The following IRAG1 variants were observed in gnomAD, a reference collection of about 807,000 sequenced individuals.
IRAG1 encodes the protein IP3R-associated cGMP kinase substrate.
IRAG1 carries 62 observed loss-of-function variants against 106.2 expected under a neutral mutation model. That is an observed-to-expected ratio of 0.58 (90% CI 0.48 to 0.72). The LOEUF is 0.72. IRAG1 is among the 30% of genes least tolerant of loss of function. The probability of loss-of-function intolerance (pLI) is 0.00; values close to 1 mark genes in which losing one functional copy is unlikely to be tolerated. For synonymous variants in IRAG1, 462 were observed against 443.9 expected (o/e 1.04, Z -0.51); for missense variants, 1,064 against 1,140.7 (o/e 0.93, Z 0.97).
At chr11:10,611,591 A>C (rs889722878) in intron 10 of IRAG1, 1 of 152,212 alleles carries the variant, frequency 6.6e-6, no homozygotes, top group African/African-American at 2.4e-5. Context: ...AAAATTTCAG[A>C]ACAAATAAAA....
At chr11:10,641,131 C>T (rs956341930) in intron 2 of IRAG1, among the ~76,000 whole-genome samples, 2 of 152,090 alleles carry the variant, frequency 1.3e-5, no homozygotes, top group Non-Finnish European at 1.5e-5. Flanking sequence ...ACCTGAGTAG[C>T]TGGGACTGCA....
chr11:10,675,977 G>T (rs533707419), intron 1 of IRAG1, among the ~76,000 whole-genome samples: 5 of 152,348 alleles, frequency 3.3e-5, no homozygotes, highest in African/African-American at 9.6e-5. Context: ...CCTCATGGAG[G>T]CTGGCCTCCC....
At chr11:10,602,809 A>G (rs1442245759) in intron 14 of IRAG1, among the ~76,000 whole-genome samples, 1 of 152,216 alleles carries the variant, frequency 6.6e-6, no homozygotes, top group Admixed American at 6.5e-5. Context: ...GGTAAAGTGA[A>G]CCAGCCTTCT....
At chr11:10,652,260 A>G (rs1858586416) in intron 1 of IRAG1, 78 bp from the exon 2 acceptor site, 1 of 1,580,778 alleles carries the variant, frequency 6.3e-7, no homozygotes, top group Non-Finnish European at 8.6e-7. Flanking sequence ...CGGAGCCACA[A>G]GCCACAGTGA....
chr11:10,626,383 G>T lies in IRAG1; in HGVS notation c.951C>A (p.Ala317=), dbSNP rs1262016418. Reference sequence around the variant, plus strand: ...CGGGGCCAGGCTGAGGGCTGTTCAGGGCCATTTTCCCACTGCTGTTTGTAA... The same window carrying T: ...CGGGGCCAGGCTGAGGGCTGTTCAGTGCCATTTTCCCACTGCTGTTTGTAA... ...APVTNSSGKM[A]LNSPQPGPVE... Residue 317 remains alanine (A), a synonymous_variant, in exon 9 of 21, where the codon GCC becomes GCA. Transcript: ENST00000423302. The T allele has an allele frequency of 6.2e-7, 1 of 1,613,862 alleles. No individual in the cohort carries two copies. Among genetic ancestry groups the T allele is most frequent in the Non-Finnish European group, 8.5e-7 (1 of 1,179,842 alleles).
intron 1 of IRAG1, chr11:10,687,739 A>C: frequency 1.6e-6 from 2 of 1,289,116 alleles, no homozygotes; most frequent in Non-Finnish European, 2.0e-6. Flanking sequence ...GGATGGTCAG[A>C]GCCTCAAACC....
chr11:10,617,046 T>A, intron 10 of IRAG1: 1 of 985,266 alleles, frequency 1.0e-6, no homozygotes, highest in Non-Finnish European at 1.2e-6. Context: ...TTTACCTCTT[T>A]CTTCTCAGGG....
At chr11:10,576,612 A>T in intron 20 of IRAG1, 37 bp from the exon 21 acceptor site, 5 of 1,611,814 alleles carry the variant, frequency 3.1e-6, no homozygotes, top group South Asian at 1.1e-5. Context: ...GCTTTAGTAT[A>T]CTGGGCACAC....
At chr11:10,673,155 C>T (rs760908114) in intron 1 of IRAG1, among the ~76,000 whole-genome samples, 6 of 152,014 alleles carry the variant, frequency 3.9e-5, no homozygotes, top group Admixed American at 2.0e-4. Flanking sequence ...TGGTGCCGTG[C>T]GCCTGTAATT....
At chr11:10,682,075 A>T in intron 1 of IRAG1, among the ~76,000 whole-genome samples, 1 of 152,316 alleles carries the variant, frequency 6.6e-6, no homozygotes, top group Non-Finnish European at 1.5e-5. Context: ...TCAGCCTCAC[A>T]AAGTCTCCAT....
At position 10,609,793 on chromosome 11, in the gene IRAG1, A is replaced by G. The variant is rs1231767456; in HGVS notation, c.1506T>C (p.Asp502=). ...IEEEESKSGL[D]VMPNISDVLL... The stretch of plus-strand genomic sequence containing the variant: ...GCACATCAGAAATATTAGGCATGAC[A>G]TCTAAGCCACTCTTTGACTCTTCTT... Residue 502 remains aspartate (D), a synonymous_variant, in exon 11 of 21, where the codon GAT becomes GAC. Transcript: ENST00000423302. 6.2e-7 allele frequency: 1 copy of G among 1,613,966 alleles called. No homozygotes were observed. Among genetic ancestry groups the G allele is most frequent in the Non-Finnish European group, 8.5e-7 (1 of 1,179,874 alleles).
intron 2 of IRAG1, among the ~76,000 whole-genome samples, chr11:10,644,540 C>T (rs1857790098): frequency 6.6e-6 from 1 of 152,136 alleles, no homozygotes; most frequent in Admixed American, 6.5e-5. Context: ...CCCTTACCTG[C>T]CTGTTTTCTC....
intron 10 of IRAG1, among the ~76,000 whole-genome samples, chr11:10,615,639 G>A (rs1055526804): frequency 6.6e-6 from 1 of 152,070 alleles, no homozygotes; most frequent in African/African-American, 2.4e-5. Context: ...GTAGGGACAT[G>A]GATGAAGCTG....
chr11:10,601,325 GGGAGGCTTCAT>G (rs1210565198), intron 14 of IRAG1, among the ~76,000 whole-genome samples: 1 of 151,968 alleles, frequency 6.6e-6, no homozygotes, highest in Non-Finnish European at 1.5e-5. Context: ...AACGGGTCAG[GGGAGGCTTCAT>G]GGAGAGGGAA....
At chr11:10,677,731 T>C (rs1389128105) in intron 1 of IRAG1, among the ~76,000 whole-genome samples, 1 of 152,222 alleles carries the variant, frequency 6.6e-6, no homozygotes, top group East Asian at 1.9e-4. Context: ...GTTCCAGAAC[T>C]TTTTCATCAT....
intron 2 of IRAG1, among the ~76,000 whole-genome samples, chr11:10,648,450 G>C (rs748349147): frequency 6.6e-6 from 1 of 152,188 alleles, no homozygotes; most frequent in African/African-American, 2.4e-5. Flanking sequence ...TGAGGAATCT[G>C]GTGTTCAAAA....
chr11:10,598,429 A>G (rs74719588), intron 15 of IRAG1, among the ~76,000 whole-genome samples: 2,803 of 152,378 alleles, frequency 0.018, 95 homozygotes, highest in African/African-American at 0.064. Context: ...ACCAGAAAAT[A>G]TTCTTTACAT....
Position 10,594,158 on chromosome 11 carries a change from G to A in IRAG1, c.2055C>T (p.Leu685=). 6.2e-7 allele frequency: 1 copy of A among 1,609,444 alleles called. No homozygotes were observed. Among genetic ancestry groups the A allele is most frequent in the Non-Finnish European group, 8.5e-7 (1 of 1,178,118 alleles). ...GVPRTARSMS[L]TLGKNMPRRR... is the part of the protein sequence containing the mutation. ...TGAACATGCATACCTTTCCCAGCGT[G>A]AGGGACATGGACCGTGCCGTGCGAG... The change falls in exon 16 of 21, where the codon CTC becomes CTT. Residue 685 remains leucine, a synonymous_variant. Coordinates refer to ENST00000423302, the MANE Select transcript of IRAG1 (RefSeq NM_130385.4).
At chr11:10,691,122 T>C (rs1009778597) in intron 1 of IRAG1, among the ~76,000 whole-genome samples, 2 of 151,646 alleles carry the variant, frequency 1.3e-5, no homozygotes, top group African/African-American at 4.9e-5. Flanking sequence ...GCCCCCACCT[T>C]GTGTTCTTTA....
Sources: gnomAD v4.1 joint callset for allele counts (sites outside exome capture counted in the v4.1 genomes callset) on GRCh38, gnomAD v4.1.1 for gene constraint, MANE v1.5 for transcripts, NCBI Gene and HGNC (gene_info 2026-07-23, HGNC 2026-07-21) for gene names.